Variants in PRKN observed in about 807,000 individuals in gnomAD.
PRKN encodes the protein parkin RBR E3 ubiquitin protein ligase.
PRKN carries 56 observed loss-of-function variants against 59.5 expected under a neutral mutation model. The ratio of observed to expected loss-of-function variants is 0.94; its 90% confidence interval spans 0.76 to 1.18. The LOEUF is 1.18. Among genes scored for constraint, PRKN ranks in the 50% most tolerant of loss-of-function variants. The pLI is 0.00. For missense variants in PRKN, 657 were observed against 596.4 expected (o/e 1.10, Z -1.06); for synonymous variants, 250 against 222.1 (o/e 1.13, Z -1.12).
intron 1 of PRKN, among the ~76,000 whole-genome samples, chr6:162,624,023 C>T (rs947077298): frequency 7.2e-5 from 11 of 152,034 alleles, no homozygotes; most frequent in South Asian, 6.2e-4. Flanking sequence ...CCGAGGTGGG[C>T]GGATCACCTG....
chr6:161,789,349 A>T (rs1790549061), intron 6 of PRKN, among the ~76,000 whole-genome samples: 1 of 152,122 alleles, frequency 6.6e-6, no homozygotes, highest in African/African-American at 2.4e-5. Flanking sequence ...TCATCCTCGT[A>T]AAATAAACTG....
rs749381583 is a variant in PRKN, at chr6:161,527,483, A to G, written c.1083+21371T>C. ...ACAACCTGCTGGATGCTATGCCCAC[A>G]TGAGGGAGGGGTGCCTTCTAATTCA... On this transcript the variant is annotated intron_variant, in intron 9 of 11. Coordinates refer to ENST00000366898, the MANE Select transcript of PRKN (RefSeq NM_004562.3). The surrounding 1 kb of genome is among the most constrained non-coding windows in gnomAD (Gnocchi z 4.6). 6.6e-6 allele frequency among the ~76,000 whole-genome samples: 1 copy of G among 152,176 alleles called. No individual in the cohort carries two copies. Among genetic ancestry groups the G allele is most frequent in the Non-Finnish European group, 1.5e-5 (1 of 68,034 alleles).
chr6:161,890,404 C>G (rs911694746), intron 6 of PRKN, among the ~76,000 whole-genome samples: 2 of 152,142 alleles, frequency 1.3e-5, no homozygotes, highest in African/African-American at 4.8e-5. Flanking sequence ...GTAAATGACA[C>G]AGAGCTTCCC....
intron 7 of PRKN, 140 bp downstream of exon 7, chr6:161,785,632 A>C: frequency 1.2e-6 from 1 of 856,154 alleles, no homozygotes. Context: ...CGATCCAAAC[A>C]TTAATGTTTC....
intron 6 of PRKN, among the ~76,000 whole-genome samples, chr6:161,940,908 A>T (rs1331207960): frequency 6.6e-6 from 1 of 152,204 alleles, no homozygotes; most frequent in South Asian, 2.1e-4. Flanking sequence ...CTCCTAATGC[A>T]TTAGGTTCTC....
In PRKN at chr6:162,553,465, C is replaced by T. The variant is rs533992834; in HGVS notation, c.8-109992G>A. 5.4e-5 allele frequency among the ~76,000 whole-genome samples: 8 copies of T among 147,934 alleles called. No individual in the cohort carries two copies. The South Asian group carries it at 1.5e-3, about 28-fold the overall frequency. ...AGTGGGAGCTCATACCTCAGGAAAC[C>T]GGGTACTGACAAGGAGGGAAGAGCC... On this transcript the variant is annotated intron_variant, in intron 1 of 11. Coordinates refer to ENST00000366898, the MANE Select transcript of PRKN (RefSeq NM_004562.3).
chr6:162,626,068 A>G (rs548812108), intron 1 of PRKN, among the ~76,000 whole-genome samples: 44 of 152,274 alleles, frequency 2.9e-4, no homozygotes, highest in African/African-American at 1.0e-3. Flanking sequence ...GCCAAATACA[A>G]TAGGTATCGC....
intron 1 of PRKN, among the ~76,000 whole-genome samples, chr6:162,633,459 G>T: frequency 1.3e-5 from 1 of 75,806 alleles, no homozygotes; most frequent in South Asian, 4.8e-4. Context: ...AAAAAAAAAA[G>T]GATCCATTTA....
chr6:161,723,737 C>A (rs1465900148), intron 7 of PRKN, among the ~76,000 whole-genome samples: 1 of 152,164 alleles, frequency 6.6e-6, no homozygotes, highest in Non-Finnish European at 1.5e-5. Flanking sequence ...GAAAGTGGAG[C>A]CACAGATCTG....
At chr6:161,982,326 T>G (rs1781290933) in intron 5 of PRKN, among the ~76,000 whole-genome samples, 1 of 140,938 alleles carries the variant, frequency 7.1e-6, no homozygotes, top group Non-Finnish European at 1.5e-5. Flanking sequence ...ATGGCCATAC[T>G]GCCCAAGGTA....
At chr6:162,443,254 C>A (rs754315504) in intron 2 of PRKN, 56 bp downstream of exon 2, 2 of 1,570,104 alleles carry the variant, frequency 1.3e-6, no homozygotes, top group Admixed American at 3.3e-5. Context: ...GCAGCGCAGG[C>A]GGCATGAGCA....
rs1444071396 is a variant in PRKN at position 161,581,668 on chromosome 6, G to A, written c.872-12252C>T. 6.6e-6 allele frequency among the ~76,000 whole-genome samples: 1 copy of A among 152,112 alleles called. No homozygotes were observed. The highest frequency in any genetic ancestry group is 6.6e-5 in the Admixed American group (1 of 15,266). On this transcript the variant is annotated intron_variant, in intron 7 of 11. Transcript: ENST00000366898. This position sits in a 1 kb window ranked among gnomAD's most constrained non-coding sequence, Gnocchi z 4.5. ...CAGGAAATAGAATGGAAGAAATGAA[G>A]GAAAAATGGAATCGCTGGCCTGAGA...
At chr6:162,237,422 A>G (rs1778785238) in intron 3 of PRKN, among the ~76,000 whole-genome samples, 1 of 152,160 alleles carries the variant, frequency 6.6e-6, no homozygotes, top group Admixed American at 6.5e-5. Flanking sequence ...TCTTCTTCAT[A>G]TTATTGAAAG....
intron 6 of PRKN, among the ~76,000 whole-genome samples, chr6:161,835,821 G>T (rs374452159): frequency 1.3e-5 from 2 of 152,204 alleles, no homozygotes; most frequent in African/African-American, 2.4e-5. Context: ...AGCCTGGAGG[G>T]TTTGCAAACA....
At chr6:161,636,236 C>T (rs1783515260) in intron 7 of PRKN, among the ~76,000 whole-genome samples, 1 of 152,244 alleles carries the variant, frequency 6.6e-6, no homozygotes. Context: ...TGTCCACTGC[C>T]CCTGCTCTAT....
chr6:161,704,829 T>C (rs1248068680), intron 7 of PRKN, among the ~76,000 whole-genome samples: 1 of 152,200 alleles, frequency 6.6e-6, no homozygotes, highest in East Asian at 1.9e-4. Flanking sequence ...TCCATCATAC[T>C]TCACATCTGC....
At chr6:162,047,005 G>A (rs897520400) in intron 5 of PRKN, among the ~76,000 whole-genome samples, 1 of 151,966 alleles carries the variant, frequency 6.6e-6, no homozygotes, top group African/African-American at 2.4e-5. Context: ...TTTGAAAAAT[G>A]TTCTAAGAAA....
At chr6:161,615,528 A>C (rs1416836357) in intron 7 of PRKN, among the ~76,000 whole-genome samples, 2 of 152,232 alleles carry the variant, frequency 1.3e-5, no homozygotes, top group East Asian at 3.9e-4. Flanking sequence ...AGGATTCCTG[A>C]ATGACCACTA....
At chr6:162,422,528 A>G (rs759131430) in intron 2 of PRKN, among the ~76,000 whole-genome samples, 60 of 152,148 alleles carry the variant, frequency 3.9e-4, no homozygotes, top group Non-Finnish European at 1.9e-4. Flanking sequence ...GCACATCCCA[A>G]TATTAGTGGT....
Sources: allele counts gnomAD v4.1 joint callset (sites outside exome capture counted in the v4.1 genomes callset), GRCh38; gene constraint gnomAD v4.1.1; non-coding constraint Gnocchi (gnomAD v3.1); transcripts MANE v1.5; gene names NCBI Gene and HGNC (gene_info 2026-07-23, HGNC 2026-07-21).